Variants in PCDH7 observed in about 807,000 individuals in gnomAD.
The protein encoded by PCDH7 is protocadherin 7, also known as protocadherin-7.
In PCDH7, 17 loss-of-function variants were observed where a neutral mutation model predicts 58.9. The ratio of observed to expected loss-of-function variants is 0.29; its 90% CI spans 0.20 to 0.43. The LOEUF (loss-of-function observed/expected upper bound fraction) is 0.43, where lower values mean the gene tolerates loss of function less well. Among genes scored for constraint, PCDH7 ranks in the 20% least tolerant of loss-of-function variants. PCDH7 has a pLI of 1.00. For synonymous variants in PCDH7, 664 were observed against 616.4 expected (o/e 1.08, Z -1.14); for missense variants, 1,274 against 1,441.0 (o/e 0.88, Z 1.88).
chr4:30,856,031 T>C (rs1000965784), intron 1 of PCDH7, among the ~76,000 whole-genome samples: 1 of 152,122 alleles, frequency 6.6e-6, no homozygotes, highest in African/African-American at 2.4e-5. Flanking sequence ...TTGATTTTTT[T>C]CCCTTGAACC....
At chr4:31,035,308 C>G (rs1364277608) in intron 3 of PCDH7, among the ~76,000 whole-genome samples, 1 of 130,118 alleles carries the variant, frequency 7.7e-6, no homozygotes, top group Non-Finnish European at 1.5e-5. Context: ...GGCTGGAGTG[C>G]AGTGGCACAA....
At chr4:31,099,446 T>C (rs1225142584) in intron 3 of PCDH7, among the ~76,000 whole-genome samples, 2 of 152,212 alleles carry the variant, frequency 1.3e-5, no homozygotes, top group Non-Finnish European at 2.9e-5. Flanking sequence ...AATTTAGAAA[T>C]ACTTATTAAA....
Position 30,964,733 on chromosome 4 carries a change from G to T in PCDH7, c.*7+14518G>T, listed in dbSNP as rs1162550281. The stretch of plus-strand genomic sequence containing the variant: ...GTACTGGCACGTAATAGATGGAAAT[G>T]AAATTGTTCTACATCCATTTCCACT... On this transcript the variant is annotated intron_variant, in intron 3 of 3. Transcript: ENST00000509759. Among the ~76,000 whole-genome samples the T allele has an allele frequency of 2.0e-5, 3 of 151,686 alleles. No homozygotes were observed. In the East Asian group the frequency reaches 5.8e-4, roughly 29 times the overall value.
At chr4:30,756,250 T>C (rs1719290060) in intron 1 of PCDH7, among the ~76,000 whole-genome samples, 1 of 152,004 alleles carries the variant, frequency 6.6e-6, no homozygotes, top group Admixed American at 6.6e-5. Flanking sequence ...ACTCACTACC[T>C]CAAGAATGGC....
intron 1 of PCDH7, among the ~76,000 whole-genome samples, chr4:30,866,389 C>G (rs1734882607): frequency 6.6e-6 from 1 of 152,164 alleles, no homozygotes; most frequent in Admixed American, 6.6e-5. Context: ...GCTTAGTCAG[C>G]TTGTGTAGCA....
At chr4:31,067,124 C>T (rs1758153046) in intron 3 of PCDH7, among the ~76,000 whole-genome samples, 3 of 151,828 alleles carry the variant, frequency 2.0e-5, no homozygotes, top group African/African-American at 4.8e-5. Flanking sequence ...CCATGCTTTC[C>T]AAGTGTACTA....
chr4:30,961,192 T>C (rs941385943), intron 3 of PCDH7, among the ~76,000 whole-genome samples: 2 of 151,830 alleles, frequency 1.3e-5, no homozygotes, highest in African/African-American at 4.8e-5. Flanking sequence ...AATTAATGAG[T>C]TTCATTAATA....
intron 1 of PCDH7, among the ~76,000 whole-genome samples, chr4:30,728,110 C>G (rs1022853682): frequency 6.6e-6 from 1 of 151,416 alleles, no homozygotes; most frequent in East Asian, 1.9e-4. Flanking sequence ...CTTTAGTGAT[C>G]GAATTATGTT....
At chr4:30,977,054 TGAA>T (rs1226241180) in intron 3 of PCDH7, among the ~76,000 whole-genome samples, 5 of 152,198 alleles carry the variant, frequency 3.3e-5, no homozygotes, top group African/African-American at 1.2e-4. Context: ...ATTTTAATAT[TGAA>T]GACTTTAATC....
At chr4:31,065,669 G>A (rs559717530) in intron 3 of PCDH7, among the ~76,000 whole-genome samples, 14 of 151,910 alleles carry the variant, frequency 9.2e-5, no homozygotes, top group East Asian at 5.8e-4. Flanking sequence ...AGTCTTAAAC[G>A]TCTTGTCTCT....
chr4:30,899,588 G>A (rs1222189355), intron 1 of PCDH7, among the ~76,000 whole-genome samples: 1 of 152,114 alleles, frequency 6.6e-6, no homozygotes, highest in African/African-American at 2.4e-5. Flanking sequence ...CCAGAACTAG[G>A]CTAAGTCATC....
intron 1 of PCDH7, among the ~76,000 whole-genome samples, chr4:30,918,169 G>A (rs890111597): frequency 1.3e-5 from 2 of 152,052 alleles, no homozygotes; most frequent in Non-Finnish European, 2.9e-5. Flanking sequence ...CATGACCCTT[G>A]GCATTCTTAG....
At chr4:31,035,331 G>A (rs556754559) in intron 3 of PCDH7, among the ~76,000 whole-genome samples, 14 of 133,244 alleles carry the variant, frequency 1.1e-4, no homozygotes, top group Non-Finnish European at 2.0e-4. Flanking sequence ...TCGGCTCACT[G>A]CAACCTCTGC....
chr4:31,111,046 A>T (rs1237439849), intron 3 of PCDH7, among the ~76,000 whole-genome samples: 2 of 152,174 alleles, frequency 1.3e-5, no homozygotes, highest in African/African-American at 4.8e-5. Context: ...ATTGACTGAC[A>T]GGAATTACAG....
intron 2 of PCDH7, among the ~76,000 whole-genome samples, chr4:30,925,035 T>G (rs1308618571): frequency 6.6e-6 from 1 of 152,170 alleles, no homozygotes; most frequent in African/African-American, 2.4e-5. Flanking sequence ...ACTTTATACA[T>G]GAATATTTTT....
At chr4:30,957,409 A>G (rs1025352298) in intron 3 of PCDH7, among the ~76,000 whole-genome samples, 1 of 152,208 alleles carries the variant, frequency 6.6e-6, no homozygotes, top group Non-Finnish European at 1.5e-5. Context: ...TAATAGCAAC[A>G]TAAGCCAGTG....
chr4:30,990,313 C>T (rs576906180), intron 3 of PCDH7, among the ~76,000 whole-genome samples: 2 of 151,988 alleles, frequency 1.3e-5, no homozygotes, highest in East Asian at 1.9e-4. Flanking sequence ...TAGACACACA[C>T]TATATATACA....
intron 3 of PCDH7, among the ~76,000 whole-genome samples, chr4:31,012,165 C>G (rs79154528): frequency 6.6e-6 from 1 of 151,978 alleles, no homozygotes; most frequent in Non-Finnish European, 1.5e-5. Flanking sequence ...AAGCTACATC[C>G]ATCTCTCGGG....
chr4:30,935,573 A>T (rs1362618784), intron 2 of PCDH7, among the ~76,000 whole-genome samples: 2 of 152,174 alleles, frequency 1.3e-5, no homozygotes, highest in Admixed American at 1.3e-4. Context: ...ATTGCTAAGG[A>T]ATAATAAATG....
Sources: allele counts gnomAD v4.1 joint callset (sites outside exome capture counted in the v4.1 genomes callset), GRCh38; gene constraint gnomAD v4.1.1; transcripts MANE v1.5; gene names NCBI Gene and HGNC (gene_info 2026-07-23, HGNC 2026-07-21).